The following SH3KBP1 variants were observed in gnomAD, a reference collection of about 807,000 sequenced individuals.
SH3KBP1 encodes the protein SH3 domain-containing kinase-binding protein 1.
A neutral mutation model predicts 50.1 loss-of-function variants in SH3KBP1; 8 were observed. The observed-to-expected ratio is 0.16, with a 90% confidence interval of 0.09 to 0.29. The LOEUF (loss-of-function observed/expected upper bound fraction) is 0.29, where lower values mean the gene tolerates loss of function less well. SH3KBP1 is among the 10% of genes least tolerant of loss of function. The pLI is 1.00. For synonymous variants in SH3KBP1, 227 were observed against 218.6 expected, an observed-to-expected ratio of 1.04 and a Z score of -0.34; for missense variants, 377 against 535.2, an observed-to-expected ratio of 0.70 and a Z score of 2.92.
intron 9 of SH3KBP1, among the ~76,000 whole-genome samples, chrX:19,597,088 C>A (rs757782388): frequency 8.9e-6 from 1 of 111,775 alleles, no homozygotes; most frequent in South Asian, 3.8e-4. Flanking sequence ...GAATCACTAT[C>A]TACGGCAGCT....
At chrX:19,843,258 G>C (rs1273176598) in intron 1 of SH3KBP1, among the ~76,000 whole-genome samples, 2 of 109,632 alleles carry the variant, frequency 1.8e-5, no homozygotes, top group Non-Finnish European at 3.8e-5. Context: ...GACCTCAGGT[G>C]ATCTACCCAC....
At chrX:19,627,221 G>A (rs1229332887) in intron 8 of SH3KBP1, among the ~76,000 whole-genome samples, 1 of 112,294 alleles carries the variant, frequency 8.9e-6, no homozygotes, top group East Asian at 2.8e-4. Context: ...TGTTGGCCAA[G>A]AGTGGGAACA....
At chrX:19,668,935 AATATATAT>A (rs56844238) in intron 6 of SH3KBP1, among the ~76,000 whole-genome samples, 93 of 32,874 alleles carry the variant, frequency 2.8e-3, no homozygotes, top group South Asian at 7.5e-3. Flanking sequence ...GATTGAGGGT[AATATATAT>A]ATATATATAT....
At chrX:19,719,796 G>A (rs2064006772) in intron 3 of SH3KBP1, among the ~76,000 whole-genome samples, 1 of 107,039 alleles carries the variant, frequency 9.3e-6, no homozygotes, top group Non-Finnish European at 1.9e-5. Context: ...AGGATCACTT[G>A]AGCCCAGGAG....
chrX:19,620,260 T>TAC (rs1175406279), intron 8 of SH3KBP1, among the ~76,000 whole-genome samples: 2 of 112,189 alleles, frequency 1.8e-5, no homozygotes, highest in Admixed American at 1.9e-4. Flanking sequence ...AAGGTGGTAT[T>TAC]CTTCATTCCA....
Position 19,873,290 on chromosome X carries a change from GTATATA to G in SH3KBP1, c.4+14011_4+14016del, listed in dbSNP as rs60336593. On this transcript the variant is annotated intron_variant, in intron 1 of 17. Transcript: ENST00000397821. ...AACAAGGACATATATATATATATAT[GTATATA>G]TATATATATATATATACATATACAT... Among the ~76,000 whole-genome samples the G allele has an allele frequency of 7.0e-5, 5 of 71,304 alleles. No individual in the cohort carries two copies. The East Asian group carries it at 1.1e-3, about 15-fold the overall frequency. 61.9% of individuals were successfully genotyped at this position (71,304 alleles called of 115,157 possible). A position where few individuals can be genotyped will look rare whatever the true frequency, so the allele number is the denominator to read the frequency against.
intron 4 of SH3KBP1, among the ~76,000 whole-genome samples, chrX:19,703,148 G>A (rs904267070): frequency 2.7e-5 from 3 of 111,991 alleles, no homozygotes; most frequent in Admixed American, 9.5e-5. Flanking sequence ...ACTCGCTCCT[G>A]CCAGGTGAGC....
chrX:19,695,038 G>A, intron 5 of SH3KBP1: 1 of 1,200,111 alleles, frequency 8.3e-7, no homozygotes, highest in African/African-American at 1.7e-5. Flanking sequence ...AAGCTGGAGG[G>A]AGACCTTCAG....
At chrX:19,874,464 G>C (rs755813008) in intron 1 of SH3KBP1, among the ~76,000 whole-genome samples, 6 of 75,892 alleles carry the variant, frequency 7.9e-5, no homozygotes, top group East Asian at 8.6e-4. Context: ...GTGTGGAGGT[G>C]TTGAGGGGTG....
intron 3 of SH3KBP1, among the ~76,000 whole-genome samples, chrX:19,739,316 G>A (rs1314563659): frequency 1.8e-5 from 2 of 112,323 alleles, no homozygotes; most frequent in Non-Finnish European, 3.8e-5. Context: ...AAACAATAAT[G>A]AAACAACAAT....
chrX:19,578,066 T>A (rs1005888631), intron 12 of SH3KBP1, among the ~76,000 whole-genome samples: 3 of 112,299 alleles, frequency 2.7e-5, no homozygotes, highest in Non-Finnish European at 5.6e-5. Flanking sequence ...TCACTTTTCA[T>A]TGCATTGGGA....
chrX:19,640,638 A>T (rs2061833554), intron 7 of SH3KBP1, among the ~76,000 whole-genome samples: 1 of 109,877 alleles, frequency 9.1e-6, no homozygotes, highest in Non-Finnish European at 1.9e-5. Flanking sequence ...TAGGGTCTGG[A>T]GGCAGAGAAC....
intron 13 of SH3KBP1, among the ~76,000 whole-genome samples, chrX:19,567,518 CAAAAAAAAAAAAAAAAAAAAAA>C (rs869158450): frequency 2.8e-4 from 2 of 7,269 alleles, no homozygotes; most frequent in East Asian, 7.0e-3. Flanking sequence ...GACTCCATCT[CAAAAAAAAAAAAAAAAAAAAAA>C]AAAAAAAAAA....
At chrX:19,749,227 G>T (rs1258475488) in intron 2 of SH3KBP1, among the ~76,000 whole-genome samples, 1 of 112,237 alleles carries the variant, frequency 8.9e-6, no homozygotes, top group Non-Finnish European at 1.9e-5. Context: ...AAAACAGTAT[G>T]GCAGCTCCTT....
intron 3 of SH3KBP1, among the ~76,000 whole-genome samples, chrX:19,738,995 A>AG (rs2064687606): frequency 1.1e-5 from 1 of 88,957 alleles, no homozygotes; most frequent in South Asian, 6.7e-4. Flanking sequence ...TAGGGGATAG[A>AG]GCGAGACTCT....
chrX:19,716,144 T>G (rs769604376), intron 3 of SH3KBP1, among the ~76,000 whole-genome samples: 86 of 112,113 alleles, frequency 7.7e-4, no homozygotes, highest in Admixed American at 1.6e-3. Flanking sequence ...GAAGGTAGAT[T>G]TACCGATCTT....
rs1211375693 is a variant in SH3KBP1, at chrX:19,543,685, C to T, written c.1624-1492G>A. ...TCAGGGAAGGGTTCTGTTCACTTTC[C>T]AGGACTGGGGAGACCCTAAGCTGCA... On this transcript the variant is annotated intron_variant, in intron 15 of 17. Transcript: ENST00000397821. Among the ~76,000 whole-genome samples the T allele has an allele frequency of 4.5e-5, 5 of 111,433 alleles. 1 individual carries two copies. The highest frequency in any genetic ancestry group is 1.6e-4 in the African/African-American group (5 of 30,619).
chrX:19,880,811 C>A lies in SH3KBP1; in HGVS notation c.4+6496G>T, dbSNP rs190961191. Among the ~76,000 whole-genome samples, 3 of 111,139 alleles carry A rather than the reference C, an allele frequency of 2.7e-5. No homozygotes were observed. In the East Asian group the frequency reaches 8.5e-4, roughly 31 times the overall value. ...CCTCATAAAAGGCAGGCAGGTGGCT[C>A]GGTGAAAGATAGGAGATGCCAGGAC... On this transcript the variant is annotated intron_variant, in intron 1 of 17. Coordinates refer to ENST00000397821, the MANE Select transcript of SH3KBP1 (RefSeq NM_031892.3).
At chrX:19,683,531 G>A (rs1313822300) in intron 6 of SH3KBP1, among the ~76,000 whole-genome samples, 1 of 111,343 alleles carries the variant, frequency 9.0e-6, no homozygotes, top group Non-Finnish European at 1.9e-5. Flanking sequence ...CAGGAATGAG[G>A]GGTTTTTCTG....
Sources: allele counts gnomAD v4.1 joint callset (sites outside exome capture counted in the v4.1 genomes callset), GRCh38; gene constraint gnomAD v4.1.1; transcripts MANE v1.5; gene names NCBI Gene and HGNC (gene_info 2026-07-23, HGNC 2026-07-21).